The following CDH13 variants were observed in gnomAD, a reference collection of about 807,000 sequenced individuals.
CDH13 encodes cadherin 13.
In CDH13, 24 loss-of-function variants were observed where a neutral mutation model predicts 63.8. That is an observed-to-expected ratio of 0.38 (90% CI 0.27 to 0.53). The LOEUF is 0.53. CDH13 is among the 20% of genes least tolerant of loss of function. The probability of loss-of-function intolerance (pLI) is 0.85; values close to 1 mark genes in which losing one functional copy is unlikely to be tolerated. For synonymous variants in CDH13, 503 were observed against 355.3 expected, an observed-to-expected ratio of 1.42 and a Z score of -4.67; for missense variants, 1,049 against 903.1, an observed-to-expected ratio of 1.16 and a Z score of -2.07.
chr16:83,052,394 C>T (rs2030438406), intron 3 of CDH13, among the ~76,000 whole-genome samples: 1 of 152,184 alleles, frequency 6.6e-6, no homozygotes. Flanking sequence ...CCATACATGG[C>T]AGAAAACCAC....
At chr16:82,677,888 G>A (rs941372192) in intron 1 of CDH13, among the ~76,000 whole-genome samples, 43 of 152,028 alleles carry the variant, frequency 2.8e-4, no homozygotes, top group African/African-American at 9.4e-4. Context: ...TTTGGCTTCT[G>A]ACCTTGCTCT....
Position 82,804,276 on chromosome 16 carries a change from T to TACAC in CDH13, c.46-54053_46-54050dup, listed in dbSNP as rs140828245. Among the ~76,000 whole-genome samples, 911 of 135,094 alleles carry TACAC rather than the reference T, an allele frequency of 6.7e-3. 8 individuals carry two copies. Among genetic ancestry groups the TACAC allele is most frequent in the Middle Eastern group, 0.019 (5 of 258 alleles). The allele number at this position is 135,094 out of a possible 152,430, so 88.6% of individuals were successfully genotyped here. ...TAGATCTCAGGTTAGGGGATCTTGC[T>TACAC]ACACACACACACACACACACACACA... On this transcript the variant is annotated intron_variant, in intron 1 of 13. Transcript: ENST00000567109.
chr16:83,314,633 G>C (rs2090069253), intron 5 of CDH13, among the ~76,000 whole-genome samples: 1 of 152,152 alleles, frequency 6.6e-6, no homozygotes, highest in African/African-American at 2.4e-5. Context: ...CTCAGCTGAA[G>C]GTCAGCCATC....
intron 5 of CDH13, among the ~76,000 whole-genome samples, chr16:83,269,773 C>G (rs557014443): frequency 5.3e-4 from 81 of 152,290 alleles, no homozygotes; most frequent in African/African-American, 1.8e-3. Flanking sequence ...ACCAGGTAAT[C>G]CTAGACATAT....
intron 1 of CDH13, among the ~76,000 whole-genome samples, chr16:82,817,058 A>G (rs2037753611): frequency 6.6e-6 from 1 of 152,086 alleles, no homozygotes; most frequent in Admixed American, 6.5e-5. Context: ...GTCTTTAGAA[A>G]TCAACCAAGT....
chr16:83,448,709 A>T (rs1030562431), intron 6 of CDH13, among the ~76,000 whole-genome samples: 3 of 152,218 alleles, frequency 2.0e-5, no homozygotes, highest in Non-Finnish European at 4.4e-5. Flanking sequence ...AAGAGGATGC[A>T]TTCATTCCAT....
At chr16:83,103,144 G>A (rs181294042) in intron 3 of CDH13, among the ~76,000 whole-genome samples, 71 of 150,392 alleles carry the variant, frequency 4.7e-4, no homozygotes, top group Non-Finnish European at 1.6e-4. Flanking sequence ...GTAGAGATGG[G>A]GTTCCACCAT....
At chr16:82,910,511 C>A (rs868344999) in intron 2 of CDH13, among the ~76,000 whole-genome samples, 3 of 152,112 alleles carry the variant, frequency 2.0e-5, no homozygotes, top group South Asian at 2.1e-4. Flanking sequence ...CCCAGACAAA[C>A]CTTGAACTCC....
intron 4 of CDH13, among the ~76,000 whole-genome samples, chr16:83,212,701 G>C (rs578226843): frequency 6.6e-6 from 1 of 152,200 alleles, no homozygotes; most frequent in Non-Finnish European, 1.5e-5. Flanking sequence ...GCTGAAAGCT[G>C]CCCAAAGCAG....
intron 3 of CDH13, among the ~76,000 whole-genome samples, chr16:83,058,951 C>T (rs561078159): frequency 3.9e-5 from 6 of 152,142 alleles, no homozygotes; most frequent in Admixed American, 1.3e-4. Context: ...ATGTGCAAAT[C>T]TAATCCATTC....
At chr16:82,905,104 G>A (rs557583810) in intron 2 of CDH13, among the ~76,000 whole-genome samples, 1 of 152,176 alleles carries the variant, frequency 6.6e-6, no homozygotes, top group Non-Finnish European at 1.5e-5. Context: ...AGGGAAGTAG[G>A]GGGAAGCAGA....
intron 3 of CDH13, among the ~76,000 whole-genome samples, chr16:83,065,582 G>A (rs138741238): frequency 1.3e-5 from 2 of 152,054 alleles, no homozygotes; most frequent in South Asian, 4.1e-4. Flanking sequence ...GTGCACGCCT[G>A]TAATTCCAGC....
intron 2 of CDH13, among the ~76,000 whole-genome samples, chr16:82,901,500 A>G (rs922215403): frequency 3.9e-5 from 6 of 152,022 alleles, no homozygotes; most frequent in African/African-American, 1.2e-4. Context: ...TACTTAGTGA[A>G]CAAGCAAGTG....
intron 11 of CDH13, among the ~76,000 whole-genome samples, chr16:83,758,162 TAAGA>T (rs979610003): frequency 9.2e-5 from 14 of 151,998 alleles, no homozygotes; most frequent in African/African-American, 3.1e-4. Flanking sequence ...TCCAAATATT[TAAGA>T]AAGAAAAACA....
chr16:82,928,548 A>G (rs546820483), intron 2 of CDH13, among the ~76,000 whole-genome samples: 10 of 152,316 alleles, frequency 6.6e-5, no homozygotes, highest in Admixed American at 3.3e-4. Context: ...TTTGGGCAAC[A>G]TAGAATATTC....
chr16:83,168,918 GGTTATTCT>G (rs2037804699), intron 4 of CDH13, among the ~76,000 whole-genome samples: 1 of 151,910 alleles, frequency 6.6e-6, no homozygotes, highest in Non-Finnish European at 1.5e-5. Context: ...CCCTAGTTTT[GGTTATTCT>G]GTTTCCCACC....
At chr16:83,278,644 C>G (rs776583507) in intron 5 of CDH13, among the ~76,000 whole-genome samples, 5 of 152,202 alleles carry the variant, frequency 3.3e-5, no homozygotes, top group African/African-American at 4.8e-5. Flanking sequence ...AGAGTTTACT[C>G]TGGATCCTGG....
intron 3 of CDH13, among the ~76,000 whole-genome samples, chr16:83,087,070 T>G (rs547113188): frequency 2.4e-4 from 37 of 152,266 alleles, no homozygotes; most frequent in African/African-American, 8.7e-4. Context: ...TTGCCATTGG[T>G]AAAATTTAAC....
At chr16:82,947,004 CTGTGTGTGTGTGTGTGTGTG>C (rs3223223) in intron 2 of CDH13, among the ~76,000 whole-genome samples, 2 of 134,918 alleles carry the variant, frequency 1.5e-5, no homozygotes, top group Non-Finnish European at 3.2e-5. Context: ...GTGCGCACGC[CTGTGTGTGTGTGTGTGTGTG>C]TGTGTGTGTG....
Sources: gnomAD v4.1 joint callset for allele counts (sites outside exome capture counted in the v4.1 genomes callset) on GRCh38, gnomAD v4.1.1 for gene constraint, MANE v1.5 for transcripts, NCBI Gene and HGNC (gene_info 2026-07-23, HGNC 2026-07-21) for gene names.